The following ACTR3C variants were observed in gnomAD, a reference collection of about 807,000 sequenced individuals.
ACTR3C encodes actin-related protein 3C.
A neutral mutation model predicts 26.3 loss-of-function variants in ACTR3C; 18 were observed. The observed-to-expected ratio is 0.68, with a 90% confidence interval of 0.47 to 1.01. The LOEUF (loss-of-function observed/expected upper bound fraction) is 1.01, where lower values mean the gene tolerates loss of function less well. Ranked by LOEUF, ACTR3C falls within the 50% of genes least tolerant of loss-of-function variation. ACTR3C has a pLI of 0.00. For synonymous variants in ACTR3C, 55 were observed against 94.5 expected (o/e 0.58, Z 2.42); for missense variants, 184 against 250.7 (o/e 0.73, Z 1.80).
the ACTR3C span, among the ~76,000 whole-genome samples, chr7:150,198,105 C>G: frequency 6.6e-6 from 1 of 151,464 alleles, no homozygotes; most frequent in African/African-American, 2.5e-5. Flanking sequence ...CTTGGCCTCC[C>G]GAGGTGCCGG....
the ACTR3C span, among the ~76,000 whole-genome samples, chr7:150,039,835 A>T: frequency 1.1e-3 from 95 of 89,758 alleles, no homozygotes; most frequent in Admixed American, 1.6e-3. Flanking sequence ...CTCCGCCCCC[A>T]GCGATGGGGG....
chr7:150,299,464 C>CA (rs759969034), intron 1 of ACTR3C, among the ~76,000 whole-genome samples: 1,318 of 14,098 alleles, frequency 0.093, 224 homozygotes, highest in Middle Eastern at 0.14. Flanking sequence ...GACCCCCTCT[C>CA]AAAAAAAAAA....
At chr7:150,011,641 G>C in the ACTR3C span, among the ~76,000 whole-genome samples, 1 of 152,010 alleles carries the variant, frequency 6.6e-6, no homozygotes, top group African/African-American at 2.4e-5. Flanking sequence ...GAAAGTTAAA[G>C]TTGCAATAGA....
At chr7:150,241,468 CACTA>C (rs1356706109), downstream of ACTR3C, among the ~76,000 whole-genome samples, 3 of 152,120 alleles carry the variant, frequency 2.0e-5, no homozygotes, top group Non-Finnish European at 4.4e-5. Context: ...ATGAAGAAAA[CACTA>C]AGCCTTCATT....
chr7:150,038,842 T>G, the ACTR3C span, among the ~76,000 whole-genome samples: 279 of 106,790 alleles, frequency 2.6e-3, 1 homozygote, highest in African/African-American at 4.7e-3. Context: ...TAAGAGCCAG[T>G]GGGGGAACCA....
the ACTR3C span, among the ~76,000 whole-genome samples, chr7:150,035,445 G>C: frequency 1.9e-5 from 1 of 52,894 alleles, no homozygotes; most frequent in African/African-American, 6.7e-5. Context: ...CCTGACTCGC[G>C]GGGGGTGCCT....
chr7:150,156,782 C>T, the ACTR3C span, among the ~76,000 whole-genome samples: 1 of 152,090 alleles, frequency 6.6e-6, no homozygotes, highest in African/African-American at 2.4e-5. Flanking sequence ...CCCAGTGCCT[C>T]TTACACCAAT....
the ACTR3C span, among the ~76,000 whole-genome samples, chr7:150,173,299 T>G: frequency 6.8e-6 from 1 of 146,660 alleles, no homozygotes; most frequent in Non-Finnish European, 1.5e-5. Context: ...TTCTTGACTA[T>G]TGTGCATTTG....
the ACTR3C span, among the ~76,000 whole-genome samples, chr7:150,036,107 G>C: frequency 1.6e-5 from 2 of 127,008 alleles, no homozygotes; most frequent in African/African-American, 5.9e-5. Context: ...GGGGTGCAAA[G>C]AGCCAGGGGG....
the ACTR3C span, among the ~76,000 whole-genome samples, chr7:149,889,366 G>C: frequency 6.6e-6 from 1 of 152,134 alleles, no homozygotes; most frequent in African/African-American, 2.4e-5. Context: ...TCTAAATCAG[G>C]CTGGGAAAAG....
At chr7:150,301,794 C>T (rs1795452876) in intron 1 of ACTR3C, among the ~76,000 whole-genome samples, 1 of 151,252 alleles carries the variant, frequency 6.6e-6, no homozygotes, top group East Asian at 1.9e-4. Context: ...TATATGATTC[C>T]ATTTATATGA....
At chr7:150,203,669 G>A in the ACTR3C span, among the ~76,000 whole-genome samples, 3 of 152,070 alleles carry the variant, frequency 2.0e-5, no homozygotes, top group Non-Finnish European at 4.4e-5. Context: ...TGGTTCAAGG[G>A]ATTCTCCTGC....
the ACTR3C span, among the ~76,000 whole-genome samples, chr7:150,170,217 C>T: frequency 6.7e-6 from 1 of 150,332 alleles, no homozygotes; most frequent in Non-Finnish European, 1.5e-5. Flanking sequence ...CATGTGGGCC[C>T]CTCCACAGGG....
At chr7:150,178,494 G>A in the ACTR3C span, among the ~76,000 whole-genome samples, 2 of 150,310 alleles carry the variant, frequency 1.3e-5, no homozygotes, top group African/African-American at 2.5e-5. Flanking sequence ...ATATTGGTCA[G>A]GCTGGTCTCG....
rs765062516 is a variant in ACTR3C, at chr7:150,286,349, A to C, written c.471+18T>G. The C allele has an allele frequency of 8.1e-6, 13 of 1,612,920 alleles. No individual in the cohort carries two copies. The highest frequency in any genetic ancestry group is 2.7e-5 in the African/African-American group (2 of 74,814). ...GCTCCATCCCACACTTGAGCACACA[A>C]AAAAAGAAACACCTTACCTCCGGGT... On this transcript the variant is annotated intron_variant, in intron 5 of 7. Coordinates refer to ENST00000683684, the MANE Select transcript of ACTR3C (RefSeq NM_001164458.2).
At chr7:150,261,752 T>C (rs547614003) in intron 6 of ACTR3C, among the ~76,000 whole-genome samples, 6,315 of 152,100 alleles carry the variant, frequency 0.042, 67 homozygotes, top group African/African-American at 0.14. Flanking sequence ...CCCAGTGAGA[T>C]CTTATTTTCC....
At chr7:149,887,750 G>T in the ACTR3C span, among the ~76,000 whole-genome samples, 11 of 152,008 alleles carry the variant, frequency 7.2e-5, no homozygotes, top group African/African-American at 2.4e-4. Flanking sequence ...AACTTGAATT[G>T]TATCTCCCAG....
the ACTR3C span, among the ~76,000 whole-genome samples, chr7:150,196,179 CA>C: frequency 1.3e-5 from 2 of 152,166 alleles, no homozygotes; most frequent in African/African-American, 4.8e-5. Context: ...AATTCTTAGC[CA>C]ATATTTCTTC....
chr7:149,883,868 A>C, the ACTR3C span, among the ~76,000 whole-genome samples: 23 of 152,134 alleles, frequency 1.5e-4, 1 homozygote, highest in Middle Eastern at 0.01. Context: ...GTCGTTCTCC[A>C]CTCTGATCCC....
Sources: gnomAD v4.1 joint callset for allele counts (sites outside exome capture counted in the v4.1 genomes callset) on GRCh38, gnomAD v4.1.1 for gene constraint, MANE v1.5 for transcripts, NCBI Gene and HGNC (gene_info 2026-07-23, HGNC 2026-07-21) for gene names.